The following STAC variants were observed in gnomAD, a reference collection of about 807,000 sequenced individuals.
The protein encoded by STAC is SH3 and cysteine rich domain.
A neutral mutation model predicts 48.8 loss-of-function variants in STAC; 43 were observed. The ratio of observed to expected loss-of-function variants is 0.88; its 90% CI spans 0.69 to 1.14. STAC has a LOEUF of 1.14. STAC is among the 50% of genes most tolerant of loss of function. The pLI, the probability that STAC is intolerant of heterozygous loss-of-function variation, is 0.00. For missense variants in STAC, 497 were observed against 504.0 expected (o/e 0.99, Z 0.13); for synonymous variants, 193 against 179.5 (o/e 1.07, Z -0.60).
chr3:36,530,751 A>ACG (rs1249738262), intron 10 of STAC, among the ~76,000 whole-genome samples: 2 of 151,024 alleles, frequency 1.3e-5, no homozygotes, highest in Admixed American at 1.3e-4. Flanking sequence ...ATGAGCCACC[A>ACG]CGCCTGGCTA....
Position 36,443,927 on chromosome 3 carries a change from C to A in STAC, c.388+287C>A, listed in dbSNP as rs1325216560. Reference sequence around the variant, plus strand: ...GTGTTCTTGCATTGAGGCTCGAGGTCTGGGTCTTTGAACACCTGCATCAGC... The same window carrying A: ...GTGTTCTTGCATTGAGGCTCGAGGTATGGGTCTTTGAACACCTGCATCAGC... On this transcript the variant is annotated intron_variant, in intron 2 of 10. Transcript: ENST00000273183. This position sits in a 1 kb window ranked among gnomAD's most constrained non-coding sequence, Gnocchi z 4.2. 6.6e-6 allele frequency among the ~76,000 whole-genome samples: 1 copy of A among 152,160 alleles called. No individual in the cohort carries two copies. The highest frequency in any genetic ancestry group is 1.5e-5 in the Non-Finnish European group (1 of 68,038).
intron 8 of STAC, among the ~76,000 whole-genome samples, chr3:36,512,412 G>A (rs1698564348): frequency 6.6e-6 from 1 of 152,134 alleles, no homozygotes; most frequent in Non-Finnish European, 1.5e-5. Context: ...TTTGCAATAA[G>A]TACACCATAT....
intron 1 of STAC, among the ~76,000 whole-genome samples, chr3:36,435,071 C>A (rs1213714295): frequency 6.6e-6 from 1 of 152,154 alleles, no homozygotes; most frequent in African/African-American, 2.4e-5. Context: ...TAACTTTGGG[C>A]AAGTTGCCAT....
At chr3:36,488,786 G>T (rs1036226278) in intron 5 of STAC, among the ~76,000 whole-genome samples, 1 of 152,122 alleles carries the variant, frequency 6.6e-6, no homozygotes, top group African/African-American at 2.4e-5. Flanking sequence ...AAATAACCGT[G>T]CTACCCTTTT....
At chr3:36,470,483 C>T (rs1436575066) in intron 2 of STAC, among the ~76,000 whole-genome samples, 3 of 152,222 alleles carry the variant, frequency 2.0e-5, no homozygotes, top group African/African-American at 2.4e-5. Context: ...GGGAGTGAAG[C>T]GGACTCTGAG....
intron 2 of STAC, among the ~76,000 whole-genome samples, chr3:36,466,019 T>A (rs186604602): frequency 2.0e-5 from 3 of 152,174 alleles, no homozygotes; most frequent in Admixed American, 6.5e-5. Context: ...ATCATAAATA[T>A]TTATGGTTTC....
intron 1 of STAC, among the ~76,000 whole-genome samples, chr3:36,404,735 A>T (rs1217015633): frequency 1.4e-5 from 2 of 146,532 alleles, no homozygotes; most frequent in Admixed American, 1.4e-4. Context: ...CATGTAAAAA[A>T]TATATAAAAA....
chr3:36,384,431 TG>T (rs1409706045), intron 1 of STAC, among the ~76,000 whole-genome samples: 1 of 152,152 alleles, frequency 6.6e-6, no homozygotes, highest in Non-Finnish European at 1.5e-5. Context: ...GTGTGCTTTT[TG>T]TAAGGCCTAA....
At chr3:36,465,786 G>A (rs898697095) in intron 2 of STAC, among the ~76,000 whole-genome samples, 1 of 152,082 alleles carries the variant, frequency 6.6e-6, no homozygotes, top group Non-Finnish European at 1.5e-5. Flanking sequence ...AAAGAGGTAG[G>A]CTGGGAGGCT....
chr3:36,470,840 G>A (rs76879083), intron 2 of STAC, among the ~76,000 whole-genome samples: 2,500 of 152,322 alleles, frequency 0.016, 39 homozygotes, highest in Non-Finnish European at 0.028. Context: ...GGCTGATCTT[G>A]CCAGATTTTG....
chr3:36,458,740 G>C (rs1232592870), intron 2 of STAC, among the ~76,000 whole-genome samples: 1 of 152,162 alleles, frequency 6.6e-6, no homozygotes, highest in Non-Finnish European at 1.5e-5. Flanking sequence ...CCTCAATTTA[G>C]AGAAAAAATT....
intron 1 of STAC, among the ~76,000 whole-genome samples, chr3:36,389,323 G>C (rs529942922): frequency 6.6e-6 from 1 of 152,270 alleles, no homozygotes; most frequent in East Asian, 1.9e-4. Context: ...CTGGTTTATA[G>C]ATGGAATCCT....
At chr3:36,539,997 G>C (rs1699285533) in intron 10 of STAC, among the ~76,000 whole-genome samples, 2 of 152,110 alleles carry the variant, frequency 1.3e-5, no homozygotes, top group Admixed American at 6.6e-5. Context: ...GGATTATCAG[G>C]GTGAGCCCAG....
intron 5 of STAC, among the ~76,000 whole-genome samples, chr3:36,492,140 C>T (rs114840824): frequency 0.013 from 1,823 of 137,296 alleles, 41 homozygotes; most frequent in African/African-American, 0.047. Flanking sequence ...AGCTGGGTCA[C>T]GTGGCCCTTT....
intron 2 of STAC, among the ~76,000 whole-genome samples, chr3:36,468,323 T>A (rs908945856): frequency 1.3e-5 from 2 of 152,198 alleles, no homozygotes; most frequent in African/African-American, 4.8e-5. Flanking sequence ...TATCATATGG[T>A]CTATCCTGGA....
chr3:36,454,332 C>T (rs751900015), intron 2 of STAC, among the ~76,000 whole-genome samples: 1 of 151,956 alleles, frequency 6.6e-6, no homozygotes, highest in East Asian at 1.9e-4. Context: ...CCAGACGCGT[C>T]GCCTTAAGAG....
intron 6 of STAC, among the ~76,000 whole-genome samples, chr3:36,503,191 T>A (rs1698319262): frequency 6.6e-6 from 1 of 152,112 alleles, no homozygotes; most frequent in African/African-American, 2.4e-5. Flanking sequence ...GTCATCAAAA[T>A]GGTAGAGTAA....
Position 36,492,032 on chromosome 3 carries a change from ATATATATATATATATATAT to A in STAC, c.688-1118_688-1100del, listed in dbSNP as rs1371003327. Among the ~76,000 whole-genome samples, 96 of 10,524 alleles carry A rather than the reference ATATATATATATATATATAT, an allele frequency of 9.1e-3. 3 individuals carry two copies. Among genetic ancestry groups the A allele is most frequent in the African/African-American group, 0.023 (94 of 4,004 alleles). The allele number at this position is 10,524 out of a possible 152,430, so 6.9% of individuals were successfully genotyped here. On this transcript the variant is annotated intron_variant, in intron 5 of 10. Coordinates refer to ENST00000273183, the MANE Select transcript of STAC (RefSeq NM_003149.3). ...AAAAAAAAAAAAAAAAAAAAAAAAA[ATATATATATATATATATAT>A]ATATATATATATATATGTGACTGTC...
intron 7 of STAC, among the ~76,000 whole-genome samples, 198 bp downstream of exon 7, chr3:36,504,655 T>C (rs569321536): frequency 1.3e-5 from 2 of 152,272 alleles, no homozygotes; most frequent in Admixed American, 6.6e-5. Context: ...AGAGTAAGCA[T>C]TGCACTGTGC....
Sources: allele counts gnomAD v4.1 joint callset (sites outside exome capture counted in the v4.1 genomes callset), GRCh38; gene constraint gnomAD v4.1.1; non-coding constraint Gnocchi (gnomAD v3.1); transcripts MANE v1.5; gene names NCBI Gene and HGNC (gene_info 2026-07-23, HGNC 2026-07-21).